KIAA1217: variants seen among roughly 807,000 people sequenced by gnomAD.
The protein encoded by KIAA1217 is KIAA1217, also known as sickle tail protein homolog.
Under a neutral mutation model 163.9 loss-of-function variants are expected in KIAA1217, and 88 were observed. The ratio of observed to expected loss-of-function variants is 0.54; its 90% CI spans 0.45 to 0.64. KIAA1217 has a LOEUF of 0.64. Ranked by LOEUF, KIAA1217 falls within the 30% of genes least tolerant of loss-of-function variation. KIAA1217 has a pLI of 0.00. For missense variants in KIAA1217, 2,372 were observed against 2,475.0 expected (o/e 0.96, Z 0.88); for synonymous variants, 903 against 923.1 (o/e 0.98, Z 0.39).
upstream of KIAA1217, among the ~76,000 whole-genome samples, chr10:24,205,199 C>T (rs2067477653): frequency 6.6e-6 from 1 of 151,130 alleles, no homozygotes; most frequent in Admixed American, 6.6e-5. Context: ...GCCTGTAATC[C>T]CAGCGTGATT....
At chr10:24,058,854 C>T (rs1385992449) in intron 2 of KIAA1217, among the ~76,000 whole-genome samples, 3 of 151,920 alleles carry the variant, frequency 2.0e-5, no homozygotes, top group African/African-American at 4.8e-5. Flanking sequence ...TTACTTTTTC[C>T]TTTATGATGT....
At chr10:24,153,756 A>G (rs2064736614) in intron 2 of KIAA1217, among the ~76,000 whole-genome samples, 1 of 152,160 alleles carries the variant, frequency 6.6e-6, no homozygotes. Flanking sequence ...CTCCTGGGCC[A>G]GTGACTCTTA....
Position 24,186,980 on chromosome 10 carries a change from C to G in KIAA1217, c.-170-32646C>G, listed in dbSNP as rs79877923. Among the ~76,000 whole-genome samples the G allele has an allele frequency of 6.1e-3, 935 of 152,298 alleles. 7 individuals are homozygous for G. The highest frequency in any genetic ancestry group is 0.022 in the African/African-American group (898 of 41,562). ...TTTACTCAGTTTCCTCAAATGTACT[C>G]TCTGTGACTCAGGCTATGTTTTTCG... On this transcript the variant is annotated intron_variant, in intron 2 of 18. Coordinates refer to the KIAA1217 transcript ENST00000376462.
intron 2 of KIAA1217, among the ~76,000 whole-genome samples, chr10:24,075,245 A>G (rs1281566334): frequency 6.6e-6 from 1 of 152,082 alleles, no homozygotes; most frequent in Non-Finnish European, 1.5e-5. Context: ...CCTCCCTGCA[A>G]AAACAGAAAC....
intron 5 of KIAA1217, among the ~76,000 whole-genome samples, chr10:24,453,503 G>A (rs1232847315): frequency 6.6e-6 from 1 of 152,182 alleles, no homozygotes; most frequent in African/African-American, 2.4e-5. Context: ...AAGGAGAATA[G>A]GCCATCATGT....
intron 2 of KIAA1217, among the ~76,000 whole-genome samples, chr10:24,161,405 T>G (rs953447914): frequency 1.3e-5 from 2 of 152,148 alleles, no homozygotes; most frequent in Non-Finnish European, 2.9e-5. Context: ...TCATCATTAG[T>G]CTTGCCTTTT....
chr10:24,505,967 A>C (rs1220756834), intron 9 of KIAA1217, among the ~76,000 whole-genome samples: 1 of 152,070 alleles, frequency 6.6e-6, no homozygotes, highest in Non-Finnish European at 1.5e-5. Context: ...TGAGAACAGC[A>C]TATTGGAGTT....
At chr10:24,257,679 G>A (rs12777541) in intron 2 of KIAA1217, among the ~76,000 whole-genome samples, 41,365 of 152,060 alleles carry the variant, frequency 0.27, 6,321 homozygotes, top group Non-Finnish European at 0.35. Flanking sequence ...AGGCCAGGAA[G>A]CTCAGGTGAC....
intron 1 of KIAA1217, among the ~76,000 whole-genome samples, chr10:23,994,881 G>A (rs944842531): frequency 4.6e-5 from 7 of 152,152 alleles, no homozygotes; most frequent in Admixed American, 2.0e-4. Context: ...CTGGGAGCAT[G>A]TCATCATTTA....
chr10:24,335,646 G>T (rs868827957), intron 2 of KIAA1217, among the ~76,000 whole-genome samples: 1 of 145,206 alleles, frequency 6.9e-6, no homozygotes, highest in South Asian at 2.2e-4. Context: ...GTCTCGTTCT[G>T]TCGCCCAGGC....
intron 1 of KIAA1217, among the ~76,000 whole-genome samples, chr10:23,839,325 G>T (rs1838655391): frequency 6.6e-6 from 1 of 152,012 alleles, no homozygotes. Context: ...TGAGGCATGT[G>T]GTTCTTCTTC....
intron 1 of KIAA1217, among the ~76,000 whole-genome samples, chr10:23,793,155 G>A (rs760834000): frequency 6.6e-6 from 1 of 152,014 alleles, no homozygotes; most frequent in Non-Finnish European, 1.5e-5. Context: ...TTAGGAATGT[G>A]CGCGCTTCAG....
chr10:23,778,617 A>G (rs750118877), intron 1 of KIAA1217, among the ~76,000 whole-genome samples: 1 of 152,130 alleles, frequency 6.6e-6, no homozygotes, highest in African/African-American at 2.4e-5. Context: ...TTCTCTGGTG[A>G]TAAGTTGTAA....
At chr10:24,513,191 C>A in intron 9 of KIAA1217, 68 bp from the exon 10 acceptor site, 1 of 1,503,574 alleles carries the variant, frequency 6.7e-7, no homozygotes, top group Non-Finnish European at 9.2e-7. Context: ...CCGAAGACTT[C>A]AAGGCATTCA....
chr10:24,209,108 C>G, upstream of KIAA1217: 3 of 1,168,412 alleles, frequency 2.6e-6, no homozygotes, highest in Non-Finnish European at 3.8e-6. Context: ...CAGCCCCGGG[C>G]CCCCTCCCAG....
chr10:24,126,809 T>C (rs1053579858), intron 2 of KIAA1217, among the ~76,000 whole-genome samples: 4 of 151,952 alleles, frequency 2.6e-5, no homozygotes, highest in Non-Finnish European at 4.4e-5. Flanking sequence ...TTGGACACTT[T>C]TCACTATCCT....
chr10:24,417,727 G>T (rs1015032521), intron 3 of KIAA1217, among the ~76,000 whole-genome samples: 3 of 152,126 alleles, frequency 2.0e-5, no homozygotes, highest in Non-Finnish European at 2.9e-5. Flanking sequence ...AGGCTTTATG[G>T]AATCTAAGCA....
rs115259564 is a variant in KIAA1217 at position 23,946,989 on chromosome 10, A to T, written c.-320-60236A>T. ...TTCTCATGATAGGGAGTGAGTTCTC[A>T]TAAGATCTGATGGTTTTAGAAGGCG... On this transcript the variant is annotated intron_variant, in intron 1 of 18. Coordinates refer to the KIAA1217 transcript ENST00000376462. Among the ~76,000 whole-genome samples the T allele has an allele frequency of 5.1e-3, 780 of 152,164 alleles. 8 individuals carry two copies. Among genetic ancestry groups the T allele is most frequent in the African/African-American group, 0.018 (750 of 41,530 alleles).
chr10:24,141,398 A>C (rs1338398167), intron 2 of KIAA1217, among the ~76,000 whole-genome samples: 1 of 152,130 alleles, frequency 6.6e-6, no homozygotes, highest in Non-Finnish European at 1.5e-5. Context: ...ACCCAGACAC[A>C]GTGTAATCAC....
Sources: allele counts gnomAD v4.1 joint callset (sites outside exome capture counted in the v4.1 genomes callset), GRCh38; gene constraint gnomAD v4.1.1; transcripts MANE v1.5; gene names NCBI Gene and HGNC (gene_info 2026-07-23, HGNC 2026-07-21).